The following DPP10 variants were observed in gnomAD, a reference collection of about 807,000 sequenced individuals.
DPP10 encodes the protein inactive dipeptidyl peptidase 10.
In DPP10, 33 loss-of-function variants were observed where a neutral mutation model predicts 120.9. The ratio of observed to expected loss-of-function variants is 0.27; its 90% CI spans 0.21 to 0.37. DPP10 has a LOEUF of 0.37. Ranked by LOEUF, DPP10 falls within the 10% of genes least tolerant of loss-of-function variation. The pLI is 1.00. For synonymous variants in DPP10, 337 were observed against 326.1 expected (o/e 1.03, Z -0.36); for missense variants, 816 against 942.8 (o/e 0.87, Z 1.76).
At chr2:115,640,721 G>T (rs939318895) in intron 5 of DPP10, among the ~76,000 whole-genome samples, 6 of 152,104 alleles carry the variant, frequency 3.9e-5, no homozygotes, top group Non-Finnish European at 8.8e-5. Context: ...TTTAGGTTCT[G>T]CTGGGAAGCT....
intron 5 of DPP10, among the ~76,000 whole-genome samples, chr2:115,658,702 TAAAC>T (rs549169234): frequency 5.8e-4 from 89 of 152,260 alleles, no homozygotes; most frequent in African/African-American, 1.7e-3. Flanking sequence ...TCTATTGACT[TAAAC>T]AAATAAAAAT....
At chr2:114,562,300 A>C (rs960854406) in intron 1 of DPP10, among the ~76,000 whole-genome samples, 19 of 152,170 alleles carry the variant, frequency 1.2e-4, no homozygotes, top group Admixed American at 9.2e-4. Context: ...GTCTCTCTTC[A>C]TTTCCAGTCT....
intron 1 of DPP10, among the ~76,000 whole-genome samples, chr2:114,908,042 C>G (rs1694103213): frequency 6.6e-6 from 1 of 151,830 alleles, no homozygotes; most frequent in African/African-American, 2.4e-5. Context: ...AGTCTTTTAT[C>G]ACTATAAACT....
chr2:115,652,516 A>C (rs186449755), intron 5 of DPP10, among the ~76,000 whole-genome samples: 31 of 151,726 alleles, frequency 2.0e-4, no homozygotes, highest in Middle Eastern at 6.8e-3. Flanking sequence ...AGGAATTAGC[A>C]TATGAAGTTA....
chr2:115,434,410 T>A (rs2071287130), intron 3 of DPP10, among the ~76,000 whole-genome samples: 1 of 151,966 alleles, frequency 6.6e-6, no homozygotes, highest in South Asian at 2.1e-4. Flanking sequence ...ATGAATCAAA[T>A]TGTTTCCATA....
At chr2:115,502,984 T>C (rs2076761876) in intron 4 of DPP10, among the ~76,000 whole-genome samples, 2 of 151,974 alleles carry the variant, frequency 1.3e-5, no homozygotes, top group Admixed American at 6.6e-5. Context: ...TTTATAAGAG[T>C]GAGTCACAGA....
intron 1 of DPP10, among the ~76,000 whole-genome samples, chr2:115,051,998 A>T (rs1705523682): frequency 6.6e-6 from 1 of 152,246 alleles, no homozygotes; most frequent in Non-Finnish European, 1.5e-5. Flanking sequence ...AAAATTAAAT[A>T]AAGAATTCGA....
At chr2:114,607,733 C>A (rs1402799779) in intron 1 of DPP10, among the ~76,000 whole-genome samples, 1 of 152,142 alleles carries the variant, frequency 6.6e-6, no homozygotes, top group Non-Finnish European at 1.5e-5. Context: ...GCCTTGTGTT[C>A]TCTGCATCTT....
At chr2:115,657,498 C>A (rs1026591450) in intron 5 of DPP10, among the ~76,000 whole-genome samples, 23 of 151,576 alleles carry the variant, frequency 1.5e-4, no homozygotes, top group African/African-American at 5.3e-4. Context: ...TTTTATTGAT[C>A]TCTTCCTTTT....
intron 3 of DPP10, among the ~76,000 whole-genome samples, chr2:115,373,336 AG>A (rs1225330767): frequency 2.0e-5 from 3 of 152,208 alleles, no homozygotes; most frequent in African/African-American, 7.2e-5. Context: ...TTCCTTGTAC[AG>A]TGCCTTGAAG....
intron 1 of DPP10, among the ~76,000 whole-genome samples, chr2:114,817,159 A>G (rs113183036): frequency 1.1e-4 from 16 of 152,336 alleles, no homozygotes; most frequent in African/African-American, 3.6e-4. Context: ...TCAAATGCCA[A>G]TGGCATGCCT....
At chr2:115,803,918 C>T (rs954032850) in intron 19 of DPP10, among the ~76,000 whole-genome samples, 1 of 152,060 alleles carries the variant, frequency 6.6e-6, no homozygotes, top group Non-Finnish European at 1.5e-5. Flanking sequence ...CTTGGAGTTG[C>T]TCTTCTCGAG....
chr2:114,596,576 CG>C (rs1360103317), intron 1 of DPP10, among the ~76,000 whole-genome samples: 3 of 151,974 alleles, frequency 2.0e-5, no homozygotes, highest in Non-Finnish European at 4.4e-5. Context: ...TTCCATTTTT[CG>C]GTGTTCACTT....
intron 1 of DPP10, among the ~76,000 whole-genome samples, chr2:114,987,899 G>C: frequency 6.7e-6 from 1 of 148,944 alleles, no homozygotes; most frequent in East Asian, 2.1e-4. Context: ...CGCCTCCCGG[G>C]TTCACACCAT....
intron 1 of DPP10, among the ~76,000 whole-genome samples, chr2:115,098,387 C>T (rs2048506542): frequency 6.6e-6 from 1 of 152,078 alleles, no homozygotes; most frequent in Non-Finnish European, 1.5e-5. Context: ...GAAATGGGTC[C>T]TTATATGATT....
intron 1 of DPP10, among the ~76,000 whole-genome samples, chr2:114,453,929 C>G (rs1184914198): frequency 6.6e-6 from 1 of 152,150 alleles, no homozygotes; most frequent in Non-Finnish European, 1.5e-5. Flanking sequence ...GGATAGCACA[C>G]AGAGCCTGTC....
At chr2:115,769,251 G>C (rs1002610474) in intron 13 of DPP10, among the ~76,000 whole-genome samples, 4 of 152,006 alleles carry the variant, frequency 2.6e-5, no homozygotes, top group Non-Finnish European at 5.9e-5. Flanking sequence ...AACTAGCTAA[G>C]AGTAATTTCA....
intron 1 of DPP10, among the ~76,000 whole-genome samples, chr2:114,908,017 C>T (rs1024447123): frequency 6.6e-6 from 1 of 151,750 alleles, no homozygotes. Flanking sequence ...ATTGTTACAC[C>T]TTCCTGATGT....
At chr2:114,856,660 G>T (rs4849353) in intron 1 of DPP10, among the ~76,000 whole-genome samples, 52,721 of 152,004 alleles carry the variant, frequency 0.35, 9,805 homozygotes, top group South Asian at 0.46. Context: ...TTCCACATTT[G>T]TAGAAATTTC....
Sources: allele counts gnomAD v4.1 joint callset (sites outside exome capture counted in the v4.1 genomes callset), GRCh38; gene constraint gnomAD v4.1.1; transcripts MANE v1.5; gene names NCBI Gene and HGNC (gene_info 2026-07-23, HGNC 2026-07-21).